The following C12orf43 variants were observed in gnomAD, a reference collection of about 807,000 sequenced individuals.
C12orf43 encodes protein CUSTOS.
Under a neutral mutation model 20.6 loss-of-function variants are expected in C12orf43, and 15 were observed. The observed-to-expected ratio is 0.73, with a 90% confidence interval of 0.49 to 1.12. The LOEUF (loss-of-function observed/expected upper bound fraction) is 1.12. Ranked by LOEUF, C12orf43 falls within the 50% of genes most tolerant of loss-of-function variation. The pLI, the probability that C12orf43 is intolerant of heterozygous loss-of-function variation, is 0.00. For synonymous variants in C12orf43, 144 were observed against 130.8 expected, an observed-to-expected ratio of 1.10 and a Z score of -0.69; for missense variants, 334 against 344.4, an observed-to-expected ratio of 0.97 and a Z score of 0.24.
chr12:121,000,799 ACAACTACCTACCTCGG>A lies in C12orf43; in HGVS notation c.*3338_*3353del, dbSNP rs1444068530. 2 of 507,368 alleles carry A rather than the reference ACAACTACCTACCTCGG, an allele frequency of 3.9e-6. No homozygotes were observed. The highest frequency in any genetic ancestry group is 3.8e-5 in the African/African-American group (2 of 52,134). 31.4% of individuals were successfully genotyped at this position (507,368 alleles called of 1,614,324 possible). A position where few individuals can be genotyped will look rare whatever the true frequency, so the allele number is the denominator to read the frequency against. On this transcript the variant is annotated 3_prime_UTR_variant, in exon 6 of 6. Transcript: ENST00000288757. ...ACTCAGCCTAGCCAAGCCAACACGTACAACTACCTACCTCGGCATCTCACCGGGGCTTCTCCAGTGT... is the reference window on the plus strand; with the variant it reads ...ACTCAGCCTAGCCAAGCCAACACGTACATCTCACCGGGGCTTCTCCAGTGT...
Position 121,016,485 on chromosome 12 carries a change from C to A in C12orf43, c.-11G>T. On this transcript the variant is annotated 5_prime_UTR_variant, in exon 1 of 6. Coordinates refer to ENST00000288757, the MANE Select transcript of C12orf43 (RefSeq NM_022895.3). ...ACTGGGCGCCGCCATCTTGAACCACCGCAAAGGATTGTGGAGAACACCGCC... is the reference window on the plus strand; with the variant it reads ...ACTGGGCGCCGCCATCTTGAACCACAGCAAAGGATTGTGGAGAACACCGCC... 2 of 1,613,950 alleles carry A rather than the reference C, an allele frequency of 1.2e-6. No homozygotes were observed. The highest frequency in any genetic ancestry group is 1.7e-6 in the Non-Finnish European group (2 of 1,180,000).
At chr12:121,013,522 T>C (rs572284195) in intron 1 of C12orf43, among the ~76,000 whole-genome samples, 2 of 152,226 alleles carry the variant, frequency 1.3e-5, no homozygotes, top group Non-Finnish European at 2.9e-5. Context: ...TGTAAGCTAC[T>C]TGAATACGTG....
intron 1 of C12orf43, among the ~76,000 whole-genome samples, chr12:121,014,937 C>T (rs913087653): frequency 1.3e-5 from 2 of 151,700 alleles, no homozygotes; most frequent in African/African-American, 4.8e-5. Context: ...TTGTGTCAGC[C>T]TCGGTAACAG....
chr12:121,006,512 G>A, intron 3 of C12orf43, 118 bp from the exon 4 acceptor site: 1 of 956,594 alleles, frequency 1.0e-6, no homozygotes. Context: ...GCGAAAGCGT[G>A]CTGGCCTAGT....
intron 3 of C12orf43, among the ~76,000 whole-genome samples, chr12:121,008,555 G>A (rs773887933): frequency 6.6e-6 from 1 of 152,198 alleles, no homozygotes; most frequent in Non-Finnish European, 1.5e-5. Flanking sequence ...TGCCAAGCAG[G>A]CCCTGTTCAG....
At chr12:121,014,645 CA>C (rs58063900) in intron 1 of C12orf43, among the ~76,000 whole-genome samples, 53,911 of 117,386 alleles carry the variant, frequency 0.46, 11,860 homozygotes, top group Non-Finnish European at 0.49. Context: ...AAAAAAAATG[CA>C]AAAAAAAAAA....
intron 1 of C12orf43, chr12:121,012,760 G>A (rs914879492): frequency 2.6e-5 from 7 of 267,360 alleles, no homozygotes; most frequent in South Asian, 2.2e-4. Flanking sequence ...GCTGAGGCAG[G>A]AGAATCGCTC....
At chr12:121,015,394 A>C (rs767172968) in intron 1 of C12orf43, among the ~76,000 whole-genome samples, 1 of 152,150 alleles carries the variant, frequency 6.6e-6, no homozygotes, top group Non-Finnish European at 1.5e-5. Flanking sequence ...GCGGTTCTTA[A>C]CCTTGCTTTG....
At chr12:121,014,454 C>G (rs1349721590) in intron 1 of C12orf43, among the ~76,000 whole-genome samples, 1 of 150,876 alleles carries the variant, frequency 6.6e-6, no homozygotes, top group Non-Finnish European at 1.5e-5. Context: ...CACGGTGAAA[C>G]CCTGTCTGTA....
intron 4 of C12orf43, 98 bp downstream of exon 4, chr12:121,006,223 G>GAA: frequency 2.4e-4 from 109 of 448,928 alleles, no homozygotes; most frequent in Non-Finnish European, 2.8e-4. Context: ...CTCAAAAAAA[G>GAA]AAAAAAAAAA....
chr12:121,006,064 T>C (rs1877988914), intron 4 of C12orf43: 1 of 394,344 alleles, frequency 2.5e-6, no homozygotes. Context: ...AAAACATAAA[T>C]AATTAGCCAG....
intron 3 of C12orf43, 47 bp downstream of exon 3, chr12:121,010,781 G>C (rs1453953738): frequency 6.8e-7 from 1 of 1,469,850 alleles, no homozygotes; most frequent in Admixed American, 2.2e-5. Context: ...AGCCATTGCT[G>C]TTCATATTAA....
chr12:121,012,538 C>CT, intron 1 of C12orf43: 2 of 700,782 alleles, frequency 2.9e-6, no homozygotes, highest in Non-Finnish European at 2.6e-6. Flanking sequence ...AGTGGGTGAA[C>CT]TCCAGATAGA....
chr12:121,002,203 A>G lies in C12orf43; in HGVS notation c.*1950T>C. The G allele has an allele frequency of 2.2e-6, 1 of 454,434 alleles. No individual in the cohort carries two copies. The highest frequency in any genetic ancestry group is 4.2e-6 in the Non-Finnish European group (1 of 238,372). The allele number at this position is 454,434 out of a possible 1,614,324, so 28.2% of individuals were successfully genotyped here. The stretch of plus-strand genomic sequence containing the variant: ...GAGGTGACCCCAGGGCACAGGAGCT[A>G]CCTGTGTGGACAGGACTAACACTCA... On this transcript the variant is annotated 3_prime_UTR_variant, in exon 6 of 6. Coordinates refer to ENST00000288757, the MANE Select transcript of C12orf43 (RefSeq NM_022895.3).
At position 121,004,089 on chromosome 12, in the gene C12orf43, GT is replaced by G; in HGVS notation, c.*63del. ...GGGAGGTGGGGCTTGGAAATGCCTTGTCCCCAGGGTGGGGGGGACACCTTGT... is the reference window on the plus strand; with the variant it reads ...GGGAGGTGGGGCTTGGAAATGCCTTGCCCCAGGGTGGGGGGGACACCTTGT... On this transcript the variant is annotated 3_prime_UTR_variant, in exon 6 of 6. Transcript: ENST00000288757. The surrounding 1 kb of genome is among the most constrained non-coding windows in gnomAD (Gnocchi z 5.6). 6.4e-7 allele frequency: 1 copy of G among 1,552,074 alleles called. No individual in the cohort carries two copies. The highest frequency in any genetic ancestry group is 8.9e-7 in the Non-Finnish European group (1 of 1,123,976).
At chr12:121,014,326 C>T (rs1166377130) in intron 1 of C12orf43, among the ~76,000 whole-genome samples, 1 of 151,606 alleles carries the variant, frequency 6.6e-6, no homozygotes, top group East Asian at 1.9e-4. Flanking sequence ...AGCGAGACTG[C>T]GTCTCAAAAA....
Position 121,004,347 on chromosome 12 carries a change from T to C in C12orf43, c.595A>G (p.Lys199Glu). 6.2e-7 allele frequency: 1 copy of C among 1,614,170 alleles called. No homozygotes were observed. Among genetic ancestry groups the C allele is most frequent in the South Asian group, 1.1e-5 (1 of 91,074 alleles). The change falls in exon 6 of 6, where the codon AAG becomes GAG. Residue 199 changes from lysine to glutamate, a missense_variant. By Grantham distance (56) the Lys-to-Glu change is moderately conservative. Coordinates refer to ENST00000288757, the MANE Select transcript of C12orf43 (RefSeq NM_022895.3). The surrounding 1 kb of genome is among the most constrained non-coding windows in gnomAD (Gnocchi z 5.6). ...KKRKLKKKAK[K>E]VASVDSAVAA... ...ACAGCCGAGTCGACACTGGCCACCT[T>C]CTTGGCTTTCTTTTTCAACTTCCTT...
intron 1 of C12orf43, among the ~76,000 whole-genome samples, chr12:121,014,264 G>T (rs1234745760): frequency 6.6e-6 from 1 of 150,866 alleles, no homozygotes. Context: ...CTTGGGAGGC[G>T]GAGGTTGCAG....
rs1412951851 is a variant in C12orf43, at chr12:121,010,886, G to A, written c.229C>T (p.Gln77Ter). 1.2e-6 allele frequency: 2 copies of A among 1,614,058 alleles called. No individual in the cohort carries two copies. Among genetic ancestry groups the A allele is most frequent in the Admixed American group, 3.3e-5 (2 of 60,002 alleles). Residue 77 changes from glutamine to a stop codon, truncating the protein, a stop_gained, in exon 3 of 6, where the codon CAG (glutamine) becomes TAG (stop). Coordinates refer to ENST00000288757, the MANE Select transcript of C12orf43 (RefSeq NM_022895.3). LOFTEE classifies it high-confidence loss of function. ...TGGGCTCGGAATTCAGGGGTGGTCT[G>A]AAGCTCGTTGCCATCTTGTTCATGC... ...NEHEQDGNEL[Q>*]TTPEFRAHVA...
Sources: allele counts gnomAD v4.1 joint callset (sites outside exome capture counted in the v4.1 genomes callset), GRCh38; gene constraint gnomAD v4.1.1; non-coding constraint Gnocchi (gnomAD v3.1); transcripts MANE v1.5; gene names NCBI Gene and HGNC (gene_info 2026-07-23, HGNC 2026-07-21).